Variants in ENPEP observed in about 807,000 individuals in gnomAD.
ENPEP encodes the protein AP-A.
A neutral mutation model predicts 114.5 loss-of-function variants in ENPEP; 103 were observed. The ratio of observed to expected loss-of-function variants is 0.90; its 90% confidence interval spans 0.77 to 1.06. ENPEP has a LOEUF of 1.06. Among genes scored for constraint, ENPEP ranks in the 50% least tolerant of loss-of-function variants. The pLI, the probability that ENPEP is intolerant of heterozygous loss-of-function variation, is 0.00. For missense variants in ENPEP, 1,196 were observed against 1,161.3 expected (o/e 1.03, Z -0.43); for synonymous variants, 420 against 422.0 (o/e 1.00, Z 0.06).
intron 1 of ENPEP, among the ~76,000 whole-genome samples, chr4:110,481,927 T>C (rs1428147251): frequency 6.6e-6 from 1 of 151,932 alleles, no homozygotes; most frequent in African/African-American, 2.4e-5. Context: ...AGTGAGAAAC[T>C]AAAAGCAGGC....
chr4:110,494,139 G>A (rs1334631191), intron 3 of ENPEP, among the ~76,000 whole-genome samples: 3 of 152,202 alleles, frequency 2.0e-5, no homozygotes, highest in Non-Finnish European at 4.4e-5. Context: ...AGTAGTCAGA[G>A]TTTTAGAACG....
intron 10 of ENPEP, among the ~76,000 whole-genome samples, chr4:110,526,243 T>A (rs1006125310): frequency 5.9e-5 from 9 of 152,022 alleles, no homozygotes; most frequent in African/African-American, 2.2e-4. Flanking sequence ...GCTACTGCAC[T>A]CCAGCCTGGG....
chr4:110,495,775 G>A (rs571115536), intron 3 of ENPEP, among the ~76,000 whole-genome samples: 11 of 152,114 alleles, frequency 7.2e-5, no homozygotes, highest in South Asian at 6.3e-4. Flanking sequence ...GAGTGATTTC[G>A]TTCCTGAGAA....
rs754130501 is a variant in ENPEP, at chr4:110,520,290, G to T, written c.1651G>T (p.Gly551Cys). Residue 551 changes from glycine (G) to cysteine (C), a missense_variant, in exon 10 of 20, where the codon GGT (glycine) becomes TGT (cysteine). Physicochemically the swap from Gly to Cys is radical, Grantham distance 159. Transcript: ENST00000265162. ...QMGYPVLNVN[G>C]VKNITQKRFL... Reference sequence around the variant, plus strand: ...GGGTTATCCTGTGCTTAACGTGAACGGTGTCAAGAACATCACACAGAAACG... The same window carrying T: ...GGGTTATCCTGTGCTTAACGTGAACTGTGTCAAGAACATCACACAGAAACG... The T allele has an allele frequency of 1.2e-6, 2 of 1,613,838 alleles. No individual in the cohort carries two copies.
chr4:110,487,378 G>T (rs1373846830), intron 1 of ENPEP, among the ~76,000 whole-genome samples: 1 of 152,234 alleles, frequency 6.6e-6, no homozygotes, highest in African/African-American at 2.4e-5. Context: ...AACAAGTGCA[G>T]CTTAAAGGTT....
chr4:110,549,249 G>T, intron 14 of ENPEP, 97 bp from the exon 15 acceptor site: 1 of 1,002,306 alleles, frequency 1.0e-6, no homozygotes, highest in Non-Finnish European at 1.5e-6. Context: ...GAATTAGTAG[G>T]AAAACAGATT....
At chr4:110,545,371 A>G (rs915094578) in intron 13 of ENPEP, among the ~76,000 whole-genome samples, 1 of 152,084 alleles carries the variant, frequency 6.6e-6, no homozygotes, top group African/African-American at 2.4e-5. Flanking sequence ...CCACTAGTTC[A>G]TCCAAACCCT....
chr4:110,512,069 A>G (rs1725597838), intron 6 of ENPEP, among the ~76,000 whole-genome samples: 2 of 152,172 alleles, frequency 1.3e-5, no homozygotes, highest in South Asian at 4.1e-4. Flanking sequence ...CAGCCCATTC[A>G]TTCATTCTTC....
intron 1 of ENPEP, among the ~76,000 whole-genome samples, 186 bp downstream of exon 1, chr4:110,477,244 C>G (rs1255128958): frequency 1.3e-5 from 2 of 152,142 alleles, no homozygotes; most frequent in Non-Finnish European, 2.9e-5. Context: ...CAAACCCTGT[C>G]ATAAAACTTG....
chr4:110,536,879 C>T (rs899689776), intron 11 of ENPEP, among the ~76,000 whole-genome samples: 3 of 152,146 alleles, frequency 2.0e-5, no homozygotes, highest in African/African-American at 7.2e-5. Context: ...AGTTTTGGTG[C>T]CAAGCCACGC....
At chr4:110,479,181 G>A (rs1456778115) in intron 1 of ENPEP, among the ~76,000 whole-genome samples, 2 of 152,260 alleles carry the variant, frequency 1.3e-5, no homozygotes, top group Non-Finnish European at 2.9e-5. Context: ...ACATAGTAAT[G>A]TGTAACATGC....
intron 8 of ENPEP, 58 bp from the exon 9 acceptor site, chr4:110,519,950 G>A (rs1725920449): frequency 6.6e-7 from 1 of 1,508,072 alleles, no homozygotes; most frequent in Non-Finnish European, 9.2e-7. Flanking sequence ...TTCATCTTGT[G>A]AAAGTATGAG....
chr4:110,535,855 A>G (rs574479130), intron 11 of ENPEP, among the ~76,000 whole-genome samples: 1 of 152,304 alleles, frequency 6.6e-6, no homozygotes, highest in African/African-American at 2.4e-5. Context: ...AGGCATAGCC[A>G]TCAACACTGA....
intron 3 of ENPEP, chr4:110,500,193 CT>C (rs920580307): frequency 7.9e-4 from 121 of 152,248 alleles, no homozygotes; most frequent in African/African-American, 2.7e-3. Context: ...TTCTCATGGA[CT>C]TAAGTTCTAT....
chr4:110,527,976 T>A (rs1016363921), intron 10 of ENPEP, among the ~76,000 whole-genome samples: 10 of 152,212 alleles, frequency 6.6e-5, no homozygotes, highest in African/African-American at 2.4e-4. Context: ...ACAATTTTAC[T>A]GCCAAGTGAA....
intron 19 of ENPEP, among the ~76,000 whole-genome samples, chr4:110,559,990 G>T (rs1227661419): frequency 6.6e-6 from 1 of 152,044 alleles, no homozygotes; most frequent in African/African-American, 2.4e-5. Flanking sequence ...TCCCCTCCCT[G>T]TGTCCATGTG....
chr4:110,500,107 A>C (rs535421791), intron 3 of ENPEP: 7 of 152,332 alleles, frequency 4.6e-5, no homozygotes, highest in Admixed American at 4.6e-4. Context: ...TAATGCATCT[A>C]GTCATGATTG....
At chr4:110,491,963 C>A (rs1724742788) in intron 3 of ENPEP, among the ~76,000 whole-genome samples, 2 of 152,130 alleles carry the variant, frequency 1.3e-5, no homozygotes, top group East Asian at 3.9e-4. Context: ...TCAGGTGACC[C>A]ACTGGCCTTG....
chr4:110,520,072 A>T lies in ENPEP; in HGVS notation c.1574A>T (p.Glu525Val). The part of the protein sequence containing the change: ...KTSDFWAALE[E>V]ASRLPVKEVM... The stretch of plus-strand genomic sequence containing the variant: ...TCTGATTTTTGGGCAGCACTGGAAG[A>T]GGTAAGGAAGAGTATATGTCCCCAA... The change falls in exon 9 of 20, where the codon GAG becomes GTG. Residue 525 changes from glutamate (E) to valine (V), a missense_variant and splice_region_variant. Physicochemically the swap from Glu to Val is moderately radical, Grantham distance 121 (BLOSUM62 -2). Coordinates refer to ENST00000265162, the MANE Select transcript of ENPEP (RefSeq NM_001977.4). 6.2e-7 allele frequency: 1 copy of T among 1,613,856 alleles called. No homozygotes were observed. Among genetic ancestry groups the T allele is most frequent in the Non-Finnish European group, 8.5e-7 (1 of 1,179,798 alleles).
Sources: gnomAD v4.1 joint callset for allele counts (sites outside exome capture counted in the v4.1 genomes callset) on GRCh38, gnomAD v4.1.1 for gene constraint, MANE v1.5 for transcripts, NCBI Gene and HGNC (gene_info 2026-07-23, HGNC 2026-07-21) for gene names.